Variants in PCSK2 observed in about 807,000 individuals in gnomAD.
PCSK2 encodes proprotein convertase subtilisin/kexin type 2, also known as neuroendocrine convertase 2.
A neutral mutation model predicts 69.7 loss-of-function variants in PCSK2; 14 were observed. The ratio of observed to expected loss-of-function variants is 0.20; its 90% CI spans 0.13 to 0.31. The LOEUF is 0.31. Among genes scored for constraint, PCSK2 ranks in the 10% least tolerant of loss-of-function variants. The pLI is 1.00. For missense variants in PCSK2, 544 were observed against 842.5 expected (o/e 0.65, Z 4.39); for synonymous variants, 307 against 320.7 (o/e 0.96, Z 0.46).
chr20:17,323,537 A>G (rs1249586165), intron 2 of PCSK2, among the ~76,000 whole-genome samples: 1 of 152,262 alleles, frequency 6.6e-6, no homozygotes, highest in African/African-American at 2.4e-5. Flanking sequence ...ACCCAAGATT[A>G]CAAAGCTATT....
chr20:17,427,988 G>T (rs2032283003), intron 6 of PCSK2, among the ~76,000 whole-genome samples: 1 of 152,200 alleles, frequency 6.6e-6, no homozygotes, highest in Non-Finnish European at 1.5e-5. Flanking sequence ...AGATTCAAAA[G>T]CCCAGGGTTG....
At chr20:17,292,933 TC>T (rs1988747098) in intron 2 of PCSK2, among the ~76,000 whole-genome samples, 1 of 152,146 alleles carries the variant, frequency 6.6e-6, no homozygotes, top group Non-Finnish European at 1.5e-5. Flanking sequence ...CACACGATTC[TC>T]CTGCCTCAGC....
Position 17,482,319 on chromosome 20 carries a change from G to C in PCSK2, c.*249G>C, listed in dbSNP as rs1234537808. ...GTGTGACTCTAAATTCTTTATTTCT[G>C]TCATTCAAATGGGTGATATCCTGAA... On this transcript the variant is annotated 3_prime_UTR_variant, in exon 12 of 12. Transcript: ENST00000262545. The C allele has an allele frequency of 7.9e-6, 1 of 126,654 alleles. No homozygotes were observed. Among genetic ancestry groups the C allele is most frequent in the East Asian group, 2.3e-4 (1 of 4,302 alleles). The allele number at this position is 126,654 out of a possible 1,614,324, so 7.8% of individuals were successfully genotyped here. A position where few individuals can be genotyped will look rare whatever the true frequency, so the allele number is the denominator to read the frequency against.
At chr20:17,334,344 G>A (rs1990288981) in intron 2 of PCSK2, among the ~76,000 whole-genome samples, 1 of 152,156 alleles carries the variant, frequency 6.6e-6, no homozygotes, top group Non-Finnish European at 1.5e-5. Flanking sequence ...TGTGTGGTAA[G>A]TTGAGGACAC....
chr20:17,465,660 A>C (rs1347699289), intron 11 of PCSK2, 107 bp downstream of exon 11: 2 of 746,942 alleles, frequency 2.7e-6, no homozygotes, highest in African/African-American at 3.6e-5. Context: ...GGTCAACTGT[A>C]TTTTTTGTTT....
intron 8 of PCSK2, among the ~76,000 whole-genome samples, chr20:17,451,402 G>C (rs556115272): frequency 6.6e-6 from 1 of 152,172 alleles, no homozygotes; most frequent in Non-Finnish European, 1.5e-5. Flanking sequence ...AGAGACTGAC[G>C]GATCGAGGAT....
intron 2 of PCSK2, among the ~76,000 whole-genome samples, chr20:17,335,193 T>TC (rs111528062): frequency 0.61 from 91,920 of 151,416 alleles, 29,023 homozygotes; most frequent in East Asian, 0.97. Flanking sequence ...CAGCGGAGAT[T>TC]GGGGGGGTTG....
At chr20:17,347,637 C>T (rs920357895) in intron 2 of PCSK2, among the ~76,000 whole-genome samples, 6 of 152,118 alleles carry the variant, frequency 3.9e-5, no homozygotes, top group African/African-American at 1.2e-4. Context: ...AGTGTCGGTT[C>T]AGCACGCGTA....
chr20:17,260,645 T>A (rs767942486), intron 2 of PCSK2, among the ~76,000 whole-genome samples: 26 of 152,096 alleles, frequency 1.7e-4, no homozygotes, highest in South Asian at 2.1e-4. Flanking sequence ...GGAACATGTT[T>A]TGGCCTGTGA....
Position 17,483,727 on chromosome 20 carries a change from GT to G in PCSK2, c.*1658del, listed in dbSNP as rs2033450115. 1 of 152,538 alleles carries G rather than the reference GT, an allele frequency of 6.6e-6. No individual in the cohort carries two copies. The highest frequency in any genetic ancestry group is 6.5e-5 in the Admixed American group (1 of 15,278). The allele number at this position is 152,538 out of a possible 1,614,324, so 9.4% of individuals were successfully genotyped here. A position where few individuals can be genotyped will look rare whatever the true frequency, so the allele number is the denominator to read the frequency against. On this transcript the variant is annotated 3_prime_UTR_variant, in exon 12 of 12. Transcript: ENST00000262545. ...GACCTTCTCTATATCATGCTTTAAA[GT>G]GTAATAATATGATTTTTTAAAAGAA...
In PCSK2 at chr20:17,255,227, C is replaced by A. The variant is rs189827669; in HGVS notation, c.178-5013C>A. Among the ~76,000 whole-genome samples, 602 of 152,272 alleles carry A rather than the reference C, an allele frequency of 4.0e-3. 4 individuals are homozygous for A. The highest frequency in any genetic ancestry group is 0.014 in the African/African-American group (570 of 41,558). ...GAATGGAAGTGGCAAGAGCAGATAA[C>A]TTTGTCTTGTTCTGGTCTTAAGAAA... is the stretch of plus-strand genomic sequence containing the variant. On this transcript the variant is annotated intron_variant, in intron 1 of 11. Coordinates refer to ENST00000262545, the MANE Select transcript of PCSK2 (RefSeq NM_002594.5).
chr20:17,257,205 A>G (rs993693107), intron 1 of PCSK2, among the ~76,000 whole-genome samples: 1 of 152,226 alleles, frequency 6.6e-6, no homozygotes, highest in Non-Finnish European at 1.5e-5. Flanking sequence ...AGAAGTGAAA[A>G]TCAAAACCAA....
At chr20:17,338,173 G>GTTT (rs201740005) in intron 2 of PCSK2, among the ~76,000 whole-genome samples, 5 of 140,984 alleles carry the variant, frequency 3.5e-5, no homozygotes, top group Middle Eastern at 3.5e-3. Context: ...ATTTTTTTTG[G>GTTT]GGGGGGGGGT....
intron 2 of PCSK2, among the ~76,000 whole-genome samples, chr20:17,328,312 T>C (rs151219468): frequency 6.6e-6 from 1 of 150,896 alleles, no homozygotes; most frequent in East Asian, 1.9e-4. Flanking sequence ...TGTGTGTGTG[T>C]ATTTTAATAT....
chr20:17,392,734 G>A (rs1429131635), intron 5 of PCSK2, among the ~76,000 whole-genome samples: 2 of 152,148 alleles, frequency 1.3e-5, no homozygotes, highest in African/African-American at 2.4e-5. Flanking sequence ...CTTTATCAAT[G>A]TGGTTGCATA....
intron 8 of PCSK2, among the ~76,000 whole-genome samples, chr20:17,440,948 A>G (rs1208367185): frequency 6.6e-6 from 1 of 151,990 alleles, no homozygotes; most frequent in East Asian, 1.9e-4. Flanking sequence ...GACCAGACAG[A>G]CATCCTGATC....
At chr20:17,440,862 C>T (rs1331293901) in intron 8 of PCSK2, among the ~76,000 whole-genome samples, 1 of 122,870 alleles carries the variant, frequency 8.1e-6, no homozygotes, top group Non-Finnish European at 1.7e-5. Flanking sequence ...AACTCTATCT[C>T]AAAAAAAAAA....
intron 10 of PCSK2, among the ~76,000 whole-genome samples, chr20:17,458,626 G>A (rs2032964029): frequency 6.6e-6 from 1 of 152,158 alleles, no homozygotes; most frequent in African/African-American, 2.4e-5. Context: ...CTTATCTTGA[G>A]ATAAGGTTAC....
chr20:17,457,955 G>C (rs897552379), intron 10 of PCSK2, among the ~76,000 whole-genome samples: 2 of 152,158 alleles, frequency 1.3e-5, no homozygotes, highest in Non-Finnish European at 2.9e-5. Context: ...ATCAAAGTGG[G>C]GGAGTGAGGC....
Sources: gnomAD v4.1 joint callset for allele counts (sites outside exome capture counted in the v4.1 genomes callset) on GRCh38, gnomAD v4.1.1 for gene constraint, MANE v1.5 for transcripts, NCBI Gene and HGNC (gene_info 2026-07-23, HGNC 2026-07-21) for gene names.